Variants in FBXO34 observed in about 807,000 individuals in gnomAD.
FBXO34 encodes the protein F-box protein 34.
A neutral mutation model predicts 24.5 loss-of-function variants in FBXO34; 12 were observed. The observed-to-expected ratio is 0.49, with a 90% CI of 0.31 to 0.79. The LOEUF (loss-of-function observed/expected upper bound fraction) is 0.79, where lower values mean the gene tolerates loss of function less well. Ranked by LOEUF, FBXO34 falls within the 30% of genes least tolerant of loss-of-function variation. FBXO34 has a pLI of 0.04. For missense variants in FBXO34, 823 were observed against 857.7 expected (o/e 0.96, Z 0.51); for synonymous variants, 320 against 311.9 (o/e 1.03, Z -0.27).
chr14:55,430,398 T>TAA, the FBXO34 span, among the ~76,000 whole-genome samples: 6 of 119,804 alleles, frequency 5.0e-5, no homozygotes, highest in East Asian at 5.1e-4. Context: ...TCACCCACTT[T>TAA]AAAAAAAAAA....
intron 1 of FBXO34, among the ~76,000 whole-genome samples, chr14:55,294,196 T>A (rs1882044014): frequency 6.6e-6 from 1 of 152,156 alleles, no homozygotes; most frequent in African/African-American, 2.4e-5. Flanking sequence ...AGAATTTACT[T>A]ATTATGACTA....
At chr14:55,393,191 C>A in the FBXO34 span, among the ~76,000 whole-genome samples, 4 of 151,688 alleles carry the variant, frequency 2.6e-5, no homozygotes, top group Admixed American at 2.0e-4. Flanking sequence ...ACCATCCTGG[C>A]TAACACGGTG....
the FBXO34 span, among the ~76,000 whole-genome samples, chr14:55,421,306 A>G: frequency 0.019 from 2,922 of 152,206 alleles, 93 homozygotes; most frequent in African/African-American, 0.067. Context: ...TTTTATTGGC[A>G]GGCTTTTCTC....
the FBXO34 span, chr14:55,424,261 G>A: frequency 8.8e-6 from 14 of 1,582,478 alleles, no homozygotes; most frequent in Non-Finnish European, 1.2e-5. Flanking sequence ...TAACTGTTAA[G>A]ATGTAAAAGG....
At chr14:55,349,551 A>G (rs1347970445) in intron 1 of FBXO34, among the ~76,000 whole-genome samples, 6 of 152,024 alleles carry the variant, frequency 3.9e-5, no homozygotes, top group South Asian at 2.1e-4. Flanking sequence ...AAAATTGTAA[A>G]CATCTAAATA....
the FBXO34 span, chr14:55,435,712 C>T: frequency 1.7e-6 from 1 of 603,622 alleles, no homozygotes; most frequent in Admixed American, 3.7e-5. Flanking sequence ...CAGATATTAA[C>T]CCTGAGTTGC....
Position 55,351,548 on chromosome 14 carries a change from T to C in FBXO34, c.1158T>C (p.Ser386=). ...CAGGAGTGAGTTTCCACATAGACAG[T>C]GCAGAGTTAGAGCCGGGTTCGCAAA... is the stretch of plus-strand genomic sequence containing the variant. The part of the protein sequence containing the change: ...LPAGVSFHID[S]AELEPGSQTA... Residue 386 remains serine, a synonymous_variant, in exon 2 of 2, where the codon AGT becomes AGC. Transcript: ENST00000313833. The C allele has an allele frequency of 2.5e-6, 4 of 1,614,084 alleles. No individual in the cohort carries two copies. The South Asian group carries it at 3.3e-5, about 13-fold the overall frequency.
At chr14:55,378,767 T>C in the FBXO34 span, among the ~76,000 whole-genome samples, 2 of 152,260 alleles carry the variant, frequency 1.3e-5, no homozygotes, top group Middle Eastern at 6.8e-3. Flanking sequence ...GGCATGATCA[T>C]AGCTCACTAC....
chr14:55,364,936 G>A (rs1884646899), downstream of FBXO34, among the ~76,000 whole-genome samples: 1 of 150,758 alleles, frequency 6.6e-6, no homozygotes, highest in Non-Finnish European at 1.5e-5. Context: ...GGGTCTCACT[G>A]GCTGGGCGCA....
At chr14:55,384,253 G>A in the FBXO34 span, among the ~76,000 whole-genome samples, 1 of 152,134 alleles carries the variant, frequency 6.6e-6, no homozygotes, top group Non-Finnish European at 1.5e-5. Context: ...TTTTCTCCTC[G>A]TGTGTGTATT....
chr14:55,299,190 C>A, intron 1 of FBXO34: 2 of 974,450 alleles, frequency 2.1e-6, no homozygotes, highest in Non-Finnish European at 3.4e-6. Context: ...ACCAAATGTT[C>A]CCTCTATAGC....
At chr14:55,277,563 A>G (rs751454463) in intron 1 of FBXO34, among the ~76,000 whole-genome samples, 2 of 152,084 alleles carry the variant, frequency 1.3e-5, no homozygotes, top group Non-Finnish European at 2.9e-5. Context: ...CAAAGGCCCA[A>G]TTATAGTGTA....
chr14:55,442,555 T>C, the FBXO34 span, among the ~76,000 whole-genome samples: 67 of 152,272 alleles, frequency 4.4e-4, 3 homozygotes, highest in South Asian at 0.011. Context: ...GAACGTAGCA[T>C]AGGAAGCACA....
At chr14:55,335,040 T>C (rs1182584314) in intron 1 of FBXO34, among the ~76,000 whole-genome samples, 1 of 152,080 alleles carries the variant, frequency 6.6e-6, no homozygotes, top group African/African-American at 2.4e-5. Context: ...CCCAGCAAGT[T>C]AAGTTGACCC....
intron 1 of FBXO34, among the ~76,000 whole-genome samples, chr14:55,286,051 C>G (rs1262394732): frequency 1.3e-5 from 2 of 152,192 alleles, no homozygotes; most frequent in African/African-American, 4.8e-5. Context: ...ATTTAGTATT[C>G]ATGGAGAATG....
chr14:55,340,370 T>C (rs751191815), intron 1 of FBXO34, among the ~76,000 whole-genome samples: 2 of 151,430 alleles, frequency 1.3e-5, no homozygotes, highest in African/African-American at 2.4e-5. Flanking sequence ...ACCTCCCAAA[T>C]AGGACTACAA....
At chr14:55,416,558 GAC>G in the FBXO34 span, among the ~76,000 whole-genome samples, 1 of 152,196 alleles carries the variant, frequency 6.6e-6, no homozygotes, top group African/African-American at 2.4e-5. Flanking sequence ...GTGAGTTACT[GAC>G]ACACATAAGA....
intron 1 of FBXO34, among the ~76,000 whole-genome samples, chr14:55,282,824 TCTTGGAA>T (rs979826955): frequency 2.0e-5 from 3 of 152,254 alleles, no homozygotes; most frequent in Non-Finnish European, 4.4e-5. Context: ...GTAGAATCAT[TCTTGGAA>T]CTACAGAATA....
At chr14:55,282,900 T>C (rs1341829810) in intron 1 of FBXO34, among the ~76,000 whole-genome samples, 1 of 152,248 alleles carries the variant, frequency 6.6e-6, no homozygotes, top group African/African-American at 2.4e-5. Flanking sequence ...TAAGGTAGTC[T>C]CAAAGGACAC....
Sources: allele counts gnomAD v4.1 joint callset (sites outside exome capture counted in the v4.1 genomes callset), GRCh38; gene constraint gnomAD v4.1.1; transcripts MANE v1.5; gene names NCBI Gene and HGNC (gene_info 2026-07-23, HGNC 2026-07-21).